Variants in FAT1 observed in about 807,000 individuals in gnomAD.
The protein encoded by FAT1 is protocadherin Fat 1.
Under a neutral mutation model 329.8 loss-of-function variants are expected in FAT1, and 171 were observed. That is an observed-to-expected ratio of 0.52 (90% confidence interval 0.46 to 0.59). FAT1 has a LOEUF of 0.59. FAT1 is among the 20% of genes least tolerant of loss of function. The pLI is 0.00. For missense variants in FAT1, 5,672 were observed against 5,774.4 expected (o/e 0.98, Z 0.57); for synonymous variants, 2,233 against 2,228.6 (o/e 1.00, Z -0.06).
intron 9 of FAT1, among the ~76,000 whole-genome samples, chr4:186,627,628 C>T (rs1166278444): frequency 6.6e-6 from 1 of 152,066 alleles, no homozygotes; most frequent in Non-Finnish European, 1.5e-5. Flanking sequence ...CTGTTAAAGG[C>T]GAGTGGCAAA....
chr4:186,614,239 TGTAA>T lies in FAT1; in HGVS notation c.9177_9180del (p.Tyr3060ArgfsTer12). Reference sequence around the variant, plus strand: ...TTTTCTGCACCTGAACCCAATAACGTGTAAGTAATTTCAGCGTTAGAGCGGATGT... The same window carrying T: ...TTTTCTGCACCTGAACCCAATAACGTGTAATTTCAGCGTTAGAGCGGATGT... On this transcript the variant is annotated frameshift_variant, in exon 12 of 27. Coordinates refer to ENST00000441802, the MANE Select transcript of FAT1 (RefSeq NM_005245.4). LOFTEE classifies it high-confidence loss of function. 3 of 1,601,636 alleles carry T rather than the reference TGTAA, an allele frequency of 1.9e-6. No homozygotes were observed. Among genetic ancestry groups the T allele is most frequent in the African/African-American group, 1.3e-5 (1 of 74,358 alleles).
rs751134485 is a variant in FAT1 at position 186,620,747 on chromosome 4, G to A, written c.5839C>T (p.Arg1947Cys). The change falls in exon 10 of 27, where the codon CGC (arginine) becomes TGC (cysteine). Residue 1947 changes from arginine to cysteine, a missense_variant. Arg to Cys is a radical substitution (Grantham distance 180, BLOSUM62 -3). This residue lies in a region of FAT1 where 3,966 missense variants were observed against 3,915.2 expected (regional missense o/e 1.01). Coordinates refer to ENST00000441802, the MANE Select transcript of FAT1 (RefSeq NM_005245.4). Reference protein sequence around the residue: ...TVQNTTQLRSRYELTVRASDG... With the variant: ...TVQNTTQLRSCYELTVRASDG... ...GAAGCTCTAACGGTTAGCTCGTAGCGGCTTCTTAACTGAGTTGTGTTTTGG... is the reference window on the plus strand; with the variant it reads ...GAAGCTCTAACGGTTAGCTCGTAGCAGCTTCTTAACTGAGTTGTGTTTTGG... The A allele has an allele frequency of 4.3e-6, 7 of 1,613,994 alleles. No individual in the cohort carries two copies. Among genetic ancestry groups the A allele is most frequent in the East Asian group, 4.5e-5 (2 of 44,878 alleles).
intron 14 of FAT1, 43 bp from the exon 15 acceptor site, chr4:186,610,058 C>T (rs760303129): frequency 3.4e-6 from 4 of 1,169,982 alleles, no homozygotes; most frequent in Non-Finnish European, 5.1e-6. Context: ...TGCAATGCCA[C>T]CACATTTTCC....
chr4:186,639,807 A>G, intron 3 of FAT1, 24 bp from the exon 4 acceptor site: 1 of 1,581,960 alleles, frequency 6.3e-7, no homozygotes, highest in Non-Finnish European at 8.7e-7. Flanking sequence ...ACAGTTCATT[A>G]ATCCTCACAA....
At position 186,595,670 on chromosome 4, in the gene FAT1, C is replaced by T; in HGVS notation, c.13138+19G>A. 1 of 1,613,178 alleles carries T rather than the reference C, an allele frequency of 6.2e-7. No homozygotes were observed. Among genetic ancestry groups the T allele is most frequent in the Non-Finnish European group, 8.5e-7 (1 of 1,179,494 alleles). Reference sequence around the variant, plus strand: ...AACAAGCAAGCAAAGCGCAGTGTTGCAGCACACTGCTGCCTCACCATTGTC... The same window carrying T: ...AACAAGCAAGCAAAGCGCAGTGTTGTAGCACACTGCTGCCTCACCATTGTC... On this transcript the variant is annotated intron_variant, in intron 26 of 26. Transcript: ENST00000441802.
intron 26 of FAT1, 145 bp from the exon 27 acceptor site, chr4:186,589,365 G>A: frequency 1.1e-6 from 1 of 916,236 alleles, no homozygotes; most frequent in Non-Finnish European, 1.6e-6. Flanking sequence ...CCTCGTCTTT[G>A]CTTTGAAGAC....
chr4:186,618,699 G>A lies in FAT1; in HGVS notation c.7887C>T (p.Ala2629=), dbSNP rs370775790. ...LASDADEGSN[A]DITYAIEADS... Reference sequence around the variant, plus strand: ...CTGCTTCAATGGCATAGGTGATGTCGGCATTGGAGCCCTCATCGGCATCAC... The same window carrying A: ...CTGCTTCAATGGCATAGGTGATGTCAGCATTGGAGCCCTCATCGGCATCAC... The change falls in exon 10 of 27, where the codon GCC becomes GCT. Residue 2629 remains alanine, a synonymous_variant. Transcript: ENST00000441802. 2.2e-5 allele frequency: 35 copies of A among 1,613,836 alleles called. No homozygotes were observed. Among genetic ancestry groups the A allele is most frequent in the Middle Eastern group, 3.3e-4 (2 of 6,084 alleles).
At chr4:186,641,342 G>T (rs537909621) in intron 3 of FAT1, among the ~76,000 whole-genome samples, 44 of 152,328 alleles carry the variant, frequency 2.9e-4, no homozygotes, top group Non-Finnish European at 4.4e-4. Flanking sequence ...AATGACGCTT[G>T]AATGTGGCAC....
chr4:186,632,435 GT>G (rs1291316219), intron 7 of FAT1, among the ~76,000 whole-genome samples: 1 of 152,012 alleles, frequency 6.6e-6, no homozygotes, highest in Admixed American at 6.5e-5. Context: ...AATTTATGAT[GT>G]TTTTATTCTC....
At chr4:186,641,002 T>A (rs527807469) in intron 3 of FAT1, among the ~76,000 whole-genome samples, 1 of 152,316 alleles carries the variant, frequency 6.6e-6, no homozygotes, top group Non-Finnish European at 1.5e-5. Context: ...ATAATTCACA[T>A]TTAAGAATAG....
intron 2 of FAT1, among the ~76,000 whole-genome samples, chr4:186,697,708 T>C (rs1036561192): frequency 1.2e-4 from 19 of 152,214 alleles, no homozygotes; most frequent in African/African-American, 4.6e-4. Context: ...GTAGAAATAC[T>C]TGCAGGTTGT....
At chr4:186,641,653 G>A (rs1741102615) in intron 3 of FAT1, among the ~76,000 whole-genome samples, 1 of 152,118 alleles carries the variant, frequency 6.6e-6, no homozygotes. Context: ...CCCACTTCAC[G>A]ATTTACTTAG....
rs537159511 is a variant in FAT1, at chr4:186,655,503, C to T, written c.3580+7796G>A. On this transcript the variant is annotated intron_variant, in intron 3 of 26. Transcript: ENST00000441802. ...AGGTTGGAGTGCAGTGGAGTGATCT[C>T]GGCTCGCTGCAACCTCTGCCTCCTG... Among the ~76,000 whole-genome samples the T allele has an allele frequency of 2.6e-5, 4 of 151,528 alleles. No homozygotes were observed. The East Asian group carries it at 7.8e-4, about 30-fold the overall frequency.
At chr4:186,651,536 G>A (rs1474099615) in intron 3 of FAT1, among the ~76,000 whole-genome samples, 1 of 152,134 alleles carries the variant, frequency 6.6e-6, no homozygotes, top group Non-Finnish European at 1.5e-5. Flanking sequence ...ATCACGCCTG[G>A]TTCTGTGGTG....
chr4:186,710,548 G>T (rs1046305024), intron 1 of FAT1, among the ~76,000 whole-genome samples: 1 of 152,068 alleles, frequency 6.6e-6, no homozygotes, highest in Admixed American at 6.6e-5. Context: ...CCAAAGAAAG[G>T]CAATTTACAA....
At chr4:186,689,361 T>C (rs1182522179) in intron 2 of FAT1, among the ~76,000 whole-genome samples, 1 of 152,246 alleles carries the variant, frequency 6.6e-6, no homozygotes, top group African/African-American at 2.4e-5. Flanking sequence ...ACACATGATT[T>C]ACTCGGAATT....
intron 2 of FAT1, among the ~76,000 whole-genome samples, chr4:186,678,852 C>G: frequency 6.6e-6 from 1 of 151,810 alleles, no homozygotes; most frequent in East Asian, 1.9e-4. Context: ...TGGTATATAC[C>G]CAAAGGAATA....
chr4:186,620,726 C>T lies in FAT1; in HGVS notation c.5860G>A (p.Ala1954Thr). The T allele has an allele frequency of 1.9e-6, 3 of 1,614,014 alleles. No homozygotes were observed. The highest frequency in any genetic ancestry group is 1.7e-6 in the Non-Finnish European group (2 of 1,179,898). ...LRSRYELTVR[A>T]SDGRFAGLTS... ...AGGCCGGCAAATCTGCCATCGGAAGCTCTAACGGTTAGCTCGTAGCGGCTT... is the reference window on the plus strand; with the variant it reads ...AGGCCGGCAAATCTGCCATCGGAAGTTCTAACGGTTAGCTCGTAGCGGCTT... The change falls in exon 10 of 27, where the codon GCT becomes ACT. Residue 1954 changes from alanine to threonine, a missense_variant. Ala to Thr is a moderately conservative substitution (Grantham distance 58). Coordinates refer to ENST00000441802, the MANE Select transcript of FAT1 (RefSeq NM_005245.4).
At chr4:186,657,083 C>A (rs145182792) in intron 3 of FAT1, among the ~76,000 whole-genome samples, 2 of 152,118 alleles carry the variant, frequency 1.3e-5, no homozygotes, top group Non-Finnish European at 2.9e-5. Flanking sequence ...CACCCACGAT[C>A]GCAGCAGCTT....
Sources: gnomAD v4.1 joint callset for allele counts (sites outside exome capture counted in the v4.1 genomes callset) on GRCh38, gnomAD v4.1.1 for gene constraint, gnomAD v4.1.1 regional missense constraint, MANE v1.5 for transcripts, NCBI Gene and HGNC (gene_info 2026-07-23, HGNC 2026-07-21) for gene names.